Variants in STS observed in about 807,000 individuals in gnomAD.
The protein encoded by STS is steroid sulfatase, also known as steryl-sulfatase.
STS carries 7 observed loss-of-function variants against 26.8 expected under a neutral mutation model. The ratio of observed to expected loss-of-function variants is 0.26; its 90% CI spans 0.15 to 0.49. The LOEUF (loss-of-function observed/expected upper bound fraction) is 0.49, where lower values mean the gene tolerates loss of function less well. Among genes scored for constraint, STS ranks in the 20% least tolerant of loss-of-function variants. The pLI is 0.98. For synonymous variants in STS, 199 were observed against 189.4 expected, an observed-to-expected ratio of 1.05 and a Z score of -0.42; for missense variants, 434 against 465.6, an observed-to-expected ratio of 0.93 and a Z score of 0.63.
chrX:7,159,582 C>T (rs1199700612), intron 1 of STS, among the ~76,000 whole-genome samples: 1 of 112,357 alleles, frequency 8.9e-6, no homozygotes, highest in Non-Finnish European at 1.9e-5. Context: ...TTCCTTGCTG[C>T]GCACCATGCA....
chrX:7,262,119 A>G (rs1923778307), intron 6 of STS, among the ~76,000 whole-genome samples: 1 of 112,157 alleles, frequency 8.9e-6, no homozygotes, highest in Non-Finnish European at 1.9e-5. Flanking sequence ...ATTTTGGTTA[A>G]CATCCAACTT....
At chrX:7,340,561 T>C (rs1206891015) in intron 10 of STS, among the ~76,000 whole-genome samples, 3 of 112,422 alleles carry the variant, frequency 2.7e-5, no homozygotes, top group Non-Finnish European at 5.6e-5. Context: ...GTTTGTTGCA[T>C]ATTTACTGTC....
intron 8 of STS, among the ~76,000 whole-genome samples, chrX:7,320,063 ATT>A (rs1341518679): frequency 1.1e-5 from 1 of 89,222 alleles, no homozygotes; most frequent in Non-Finnish European, 2.1e-5. Context: ...TTATATATAT[ATT>A]TTATATATAT....
chrX:7,268,622 A>G (rs1924121162), intron 6 of STS, among the ~76,000 whole-genome samples: 1 of 112,555 alleles, frequency 8.9e-6, no homozygotes, highest in African/African-American at 3.2e-5. Context: ...TGGAAAAAGT[A>G]AATAATTAAA....
chrX:7,197,810 A>C (rs1368030517), intron 2 of STS, among the ~76,000 whole-genome samples: 1 of 111,183 alleles, frequency 9.0e-6, no homozygotes, highest in Non-Finnish European at 1.9e-5. Context: ...TCATTTTCCT[A>C]GCCCTCACTC....
intron 7 of STS, among the ~76,000 whole-genome samples, chrX:7,282,605 T>C (rs1464527756): frequency 8.0e-5 from 9 of 112,649 alleles, no homozygotes; most frequent in Non-Finnish European, 1.7e-4. Flanking sequence ...TTTCTGCAGA[T>C]GCAAATCTCC....
At chrX:7,175,203 A>T (rs1933545038) in intron 1 of STS, among the ~76,000 whole-genome samples, 1 of 106,776 alleles carries the variant, frequency 9.4e-6, no homozygotes, top group African/African-American at 3.4e-5. Context: ...AAAAAAAAAA[A>T]AGCCAGATGC....
chrX:7,248,676 G>C (rs202074369), intron 2 of STS, among the ~76,000 whole-genome samples: 4 of 75,066 alleles, frequency 5.3e-5, no homozygotes, highest in Admixed American at 4.9e-4. Flanking sequence ...AATTTTTCTT[G>C]TTTTTTTAAG....
At chrX:7,346,458 TA>T (rs33973441) in intron 10 of STS, among the ~76,000 whole-genome samples, 8,501 of 80,666 alleles carry the variant, frequency 0.11, 444 homozygotes, top group African/African-American at 0.15. Context: ...CTTAAACAAG[TA>T]AAAAAAAAAA....
chrX:7,151,671 G>A (rs1430536316), intron 1 of STS, among the ~76,000 whole-genome samples: 7 of 111,463 alleles, frequency 6.3e-5, no homozygotes, highest in African/African-American at 2.3e-4. Context: ...CATTGTTTTT[G>A]AACCCCTTCA....
intron 2 of STS, among the ~76,000 whole-genome samples, chrX:7,235,456 C>T (rs1031645707): frequency 8.9e-6 from 1 of 111,804 alleles, no homozygotes; most frequent in Non-Finnish European, 1.9e-5. Flanking sequence ...AACCTTGAAC[C>T]TTCTTCAGAA....
chrX:7,303,317 G>A (rs762115453), intron 7 of STS, among the ~76,000 whole-genome samples: 1 of 111,269 alleles, frequency 9.0e-6, no homozygotes, highest in Non-Finnish European at 1.9e-5. Flanking sequence ...ACCCAGTCTC[G>A]GGTGTGTCTT....
At chrX:7,156,867 T>C (rs1394692638) in intron 1 of STS, among the ~76,000 whole-genome samples, 1 of 112,183 alleles carries the variant, frequency 8.9e-6, no homozygotes, top group African/African-American at 3.2e-5. Context: ...GGAGGAATTC[T>C]GGGGTTTTCC....
At position 7,354,194 on chromosome X, in the gene STS, A is replaced by G. The variant is rs1928915388; in HGVS notation, c.*3933A>G. On this transcript the variant is annotated 3_prime_UTR_variant, in exon 11 of 11. Coordinates refer to ENST00000674429, the MANE Select transcript of STS (RefSeq NM_001320752.2). Reference sequence around the variant, plus strand: ...CTGGTCAACTGGCCTGCCTTCAGCTAGAATCCTGTTAGGTCGGTTTAGATG... The same window carrying G: ...CTGGTCAACTGGCCTGCCTTCAGCTGGAATCCTGTTAGGTCGGTTTAGATG... The G allele has an allele frequency of 9.0e-6, 1 of 111,424 alleles. No individual in the cohort carries two copies. Among genetic ancestry groups the G allele is most frequent in the Non-Finnish European group, 1.9e-5 (1 of 53,115 alleles). The allele number at this position is 111,424 out of a possible 1,213,427, so 9.2% of individuals were successfully genotyped here. A position where few individuals can be genotyped will look rare whatever the true frequency, so the allele number is the denominator to read the frequency against.
intron 6 of STS, among the ~76,000 whole-genome samples, chrX:7,265,492 A>G (rs1467731343): frequency 8.9e-6 from 1 of 112,300 alleles, no homozygotes; most frequent in Non-Finnish European, 1.9e-5. Flanking sequence ...TTTATTGATC[A>G]TGAGGATATT....
chrX:7,224,555 C>T (rs764823875), intron 2 of STS, among the ~76,000 whole-genome samples: 1 of 111,445 alleles, frequency 9.0e-6, no homozygotes, highest in Non-Finnish European at 1.9e-5. Context: ...CAGAGAGCTC[C>T]CTCATTCCTT....
chrX:7,225,684 TTC>T (rs1403503496), intron 2 of STS, among the ~76,000 whole-genome samples: 2 of 111,911 alleles, frequency 1.8e-5, no homozygotes, highest in East Asian at 5.6e-4. Flanking sequence ...GAGTGAGCCA[TTC>T]TTGTTAATTC....
chrX:7,238,232 G>C (rs1922424549), intron 2 of STS, among the ~76,000 whole-genome samples: 1 of 106,814 alleles, frequency 9.4e-6, no homozygotes, highest in South Asian at 4.3e-4. Context: ...ATAGCACATT[G>C]TTTTTATCCA....
intron 1 of STS, among the ~76,000 whole-genome samples, chrX:7,183,742 G>T (rs1179628110): frequency 1.8e-5 from 2 of 112,028 alleles, no homozygotes; most frequent in Admixed American, 1.9e-4. Context: ...AGTGGCTCAT[G>T]CCTAATCCCA....
Sources: allele counts gnomAD v4.1 joint callset (sites outside exome capture counted in the v4.1 genomes callset), GRCh38; gene constraint gnomAD v4.1.1; transcripts MANE v1.5; gene names NCBI Gene and HGNC (gene_info 2026-07-23, HGNC 2026-07-21).